The following JPH3 variants were observed in gnomAD, a reference collection of about 807,000 sequenced individuals.
JPH3 encodes junctophilin-3.
JPH3 carries 11 observed loss-of-function variants against 59.6 expected under a neutral mutation model. The ratio of observed to expected loss-of-function variants is 0.18; its 90% confidence interval spans 0.12 to 0.31. The LOEUF (loss-of-function observed/expected upper bound fraction) is 0.31, where lower values mean the gene tolerates loss of function less well. Among genes scored for constraint, JPH3 ranks in the 10% least tolerant of loss-of-function variants. JPH3 has a pLI of 1.00. For missense variants in JPH3, 1,202 were observed against 1,105.7 expected (o/e 1.09, Z -1.24); for synonymous variants, 673 against 483.6 (o/e 1.39, Z -5.14).
chr16:87,659,374 C>CG (rs1362136229), intron 2 of JPH3, among the ~76,000 whole-genome samples: 17 of 74,548 alleles, frequency 2.3e-4, no homozygotes, highest in African/African-American at 9.9e-4. Flanking sequence ...AAGACTGTCT[C>CG]AAAAAAAAAA....
rs150019020 is a variant in JPH3 at position 87,644,614 on chromosome 16, G to C, written c.739G>C (p.Glu247Gln). 1 of 1,612,632 alleles carries C rather than the reference G, an allele frequency of 6.2e-7. No individual in the cohort carries two copies. The highest frequency in any genetic ancestry group is 8.5e-7 in the Non-Finnish European group (1 of 1,179,892). Reference protein sequence around the residue: ...QRSKQSSFRSEAGMSTVSSTA... With the variant: ...QRSKQSSFRSQAGMSTVSSTA... ...CAGCAAGCAGAGCTCCTTTCGCAGC[G>C]AGGCGGGCATGAGCACCGTCAGCTC... is the stretch of plus-strand genomic sequence containing the variant. Residue 247 changes from glutamate to glutamine, a missense_variant, in exon 2 of 5, where the codon GAG (glutamate) becomes CAG (glutamine). Physicochemically the swap from Glu to Gln is conservative, Grantham distance 29. Transcript: ENST00000284262.
At chr16:87,678,982 A>T (rs2033219419) in intron 2 of JPH3, among the ~76,000 whole-genome samples, 1 of 152,128 alleles carries the variant, frequency 6.6e-6, no homozygotes, top group Non-Finnish European at 1.5e-5. Flanking sequence ...AAAAGGAGTG[A>T]GTGTTAAGTC....
intron 2 of JPH3, among the ~76,000 whole-genome samples, chr16:87,665,438 T>C (rs963686613): frequency 1.3e-5 from 2 of 152,210 alleles, no homozygotes; most frequent in African/African-American, 4.8e-5. Flanking sequence ...TGCTTAGTGC[T>C]TTAGGTCTGT....
Position 87,603,337 on chromosome 16 carries a change from C to G in JPH3, c.191C>G (p.Thr64Ser). 2 of 1,613,036 alleles carry G rather than the reference C, an allele frequency of 1.2e-6. No homozygotes were observed. The highest frequency in any genetic ancestry group is 1.7e-6 in the Non-Finnish European group (2 of 1,179,662). Residue 64 changes from threonine (T) to serine (S), a missense_variant, in exon 1 of 5, where the codon ACC (threonine) becomes AGC (serine). Coordinates refer to ENST00000284262, the MANE Select transcript of JPH3 (RefSeq NM_020655.4). ...CCCAGCGGCAACACGTACCAGGGCACCTGGGCGCAGGGCAAGCGCCACGGC... is the reference window on the plus strand; with the variant it reads ...CCCAGCGGCAACACGTACCAGGGCAGCTGGGCGCAGGGCAAGCGCCACGGC... ...TWPSGNTYQG[T>S]WAQGKRHGIG...
chr16:87,677,036 G>A (rs2033158150), intron 2 of JPH3, among the ~76,000 whole-genome samples: 1 of 151,772 alleles, frequency 6.6e-6, no homozygotes, highest in Admixed American at 6.6e-5. Context: ...GCGGGCGCCT[G>A]TAGTCCCAGC....
At position 87,616,203 on chromosome 16, in the gene JPH3, T is replaced by A. The variant is rs1300209059; in HGVS notation, c.382+12675T>A. 4.0e-5 allele frequency among the ~76,000 whole-genome samples: 5 copies of A among 124,682 alleles called. No individual in the cohort carries two copies. In the East Asian group the frequency reaches 1.0e-3, roughly 26 times the overall value. 81.8% of individuals were successfully genotyped at this position (124,682 alleles called of 152,430 possible). ...CGCAATCTGGTTTTGTGTGTGTGTG[T>A]GTGTGTGTGTGTGTGTGTGTGTGTG... On this transcript the variant is annotated intron_variant, in intron 1 of 4. Coordinates refer to ENST00000284262, the MANE Select transcript of JPH3 (RefSeq NM_020655.4).
intron 2 of JPH3, among the ~76,000 whole-genome samples, chr16:87,648,181 G>T (rs977779879): frequency 6.6e-6 from 1 of 152,168 alleles, no homozygotes; most frequent in African/African-American, 2.4e-5. Context: ...TGGAGGATGA[G>T]CCTGCATTCT....
chr16:87,667,550 G>C (rs997786704), intron 2 of JPH3, among the ~76,000 whole-genome samples: 1 of 152,190 alleles, frequency 6.6e-6, no homozygotes, highest in Non-Finnish European at 1.5e-5. Context: ...GGGCCAGGTG[G>C]GTTCACGGGC....
At position 87,627,612 on chromosome 16, in the gene JPH3, C is replaced by T. The variant is rs138549824; in HGVS notation, c.383-16646C>T. On this transcript the variant is annotated intron_variant, in intron 1 of 4. Transcript: ENST00000284262. ...TGGTGCCAGGCATCTGGCTGCAGCT[C>T]CCAGGCTCTCATCCCTTTGCTGTGC... Among the ~76,000 whole-genome samples, 220 of 152,310 alleles carry T rather than the reference C, an allele frequency of 1.4e-3. 1 individual carries two copies. The highest frequency in any genetic ancestry group is 2.8e-3 in the Non-Finnish European group (192 of 68,030).
In JPH3 at chr16:87,684,421, G is replaced by A. The variant is rs530775297; in HGVS notation, c.1285+155G>A. 8.3e-5 allele frequency: 103 copies of A among 1,242,388 alleles called. No individual in the cohort carries two copies. In the African/African-American group the frequency reaches 1.4e-3, roughly 17 times the overall value. 77.0% of individuals were successfully genotyped at this position (1,242,388 alleles called of 1,614,324 possible). On this transcript the variant is annotated intron_variant, in intron 3 of 4. Transcript: ENST00000284262. ...CCGGTGTCTTCCTCTCCCGCCGAAG[G>A]TGCTTGTTTGTGCCAAGGCCTGGCC... is the stretch of plus-strand genomic sequence containing the variant.
At position 87,644,838 on chromosome 16, in the gene JPH3, T is replaced by C. The variant is rs1385580941; in HGVS notation, c.963T>C (p.His321=). 6.2e-7 allele frequency: 1 copy of C among 1,613,156 alleles called. No homozygotes were observed. The highest frequency in any genetic ancestry group is 1.3e-5 in the African/African-American group (1 of 74,860). The stretch of plus-strand genomic sequence containing the variant: ...GCGAGTGGGCCAGCAACCGGCGCCA[T>C]GGCTACGGCTGCATGACCTTCCCGG... ...YEGEWASNRR[H]GYGCMTFPDG... The change falls in exon 2 of 5, where the codon CAT becomes CAC. Residue 321 remains histidine, a synonymous_variant. Coordinates refer to ENST00000284262, the MANE Select transcript of JPH3 (RefSeq NM_020655.4).
intron 1 of JPH3, among the ~76,000 whole-genome samples, chr16:87,606,443 CTGAT>C (rs1362516560): frequency 6.6e-6 from 1 of 152,210 alleles, no homozygotes; most frequent in Non-Finnish European, 1.5e-5. Flanking sequence ...AGGGTACTCC[CTGAT>C]TGAGCTGAGT....
In JPH3 at chr16:87,602,524, C is replaced by T. The variant is rs1157080113; in HGVS notation, c.-623C>T. 5.7e-5 allele frequency among the ~76,000 whole-genome samples: 8 copies of T among 139,226 alleles called. No homozygotes were observed. Among genetic ancestry groups the T allele is most frequent in the East Asian group, 2.2e-4 (1 of 4,552 alleles). The allele number at this position is 139,226 out of a possible 152,430, so 91.3% of individuals were successfully genotyped here. ...GCGCGGCCCGAGCGCGCGAGCCGGG[C>T]CCGGAGCGCACGCCGCCGCCGCCAC... On this transcript the variant is annotated 5_prime_UTR_variant, in exon 1 of 5. Transcript: ENST00000284262.
intron 1 of JPH3, among the ~76,000 whole-genome samples, chr16:87,621,942 AG>A (rs1384928607): frequency 6.6e-6 from 1 of 152,102 alleles, no homozygotes; most frequent in Non-Finnish European, 1.5e-5. Flanking sequence ...CTTAGTCGAG[AG>A]GGGGGATGGT....
chr16:87,695,745 G>A (rs772583502), intron 4 of JPH3: 1 of 456,058 alleles, frequency 2.2e-6, no homozygotes, highest in South Asian at 1.5e-5. Flanking sequence ...CCTGGTGTGA[G>A]CAGAACACAG....
intron 1 of JPH3, among the ~76,000 whole-genome samples, chr16:87,639,673 C>G (rs1423333956): frequency 6.6e-6 from 1 of 151,898 alleles, no homozygotes; most frequent in Admixed American, 6.6e-5. Flanking sequence ...CCCTCCTGTC[C>G]TCCCTCCTGG....
At chr16:87,695,325 A>G (rs1383435580) in intron 4 of JPH3, 2 of 456,096 alleles carry the variant, frequency 4.4e-6, no homozygotes, top group Admixed American at 2.3e-5. Flanking sequence ...ATGGAAAACC[A>G]GTCTGTTAAC....
At chr16:87,634,949 A>G (rs923067675) in intron 1 of JPH3, among the ~76,000 whole-genome samples, 10 of 152,222 alleles carry the variant, frequency 6.6e-5, no homozygotes, top group African/African-American at 2.4e-4. Context: ...AAGTGGACAC[A>G]GTAAGAGTGC....
chr16:87,655,416 C>T (rs1345419048), intron 2 of JPH3, among the ~76,000 whole-genome samples: 8 of 152,150 alleles, frequency 5.3e-5, no homozygotes, highest in South Asian at 4.1e-4. Flanking sequence ...TGCAGTGGTA[C>T]GATCATAGCC....
Sources: allele counts gnomAD v4.1 joint callset (sites outside exome capture counted in the v4.1 genomes callset), GRCh38; gene constraint gnomAD v4.1.1; transcripts MANE v1.5; gene names NCBI Gene and HGNC (gene_info 2026-07-23, HGNC 2026-07-21).